ERICH1: variants seen among roughly 807,000 people sequenced by gnomAD.
ERICH1 encodes the protein glutamate rich 1, also known as glutamate-rich protein 1.
A neutral mutation model predicts 39.6 loss-of-function variants in ERICH1; 56 were observed. That is an observed-to-expected ratio of 1.41 (90% CI 1.14 to 1.77). The LOEUF (loss-of-function observed/expected upper bound fraction) is 1.77. Ranked by LOEUF, ERICH1 falls within the 40% of genes most tolerant of loss-of-function variation. ERICH1 has a pLI of 0.00. For synonymous variants in ERICH1, 313 were observed against 223.6 expected, an observed-to-expected ratio of 1.40 and a Z score of -3.57; for missense variants, 826 against 575.4, an observed-to-expected ratio of 1.44 and a Z score of -4.45.
chr8:661,078 TA>T (rs1192947113), downstream of ERICH1, among the ~76,000 whole-genome samples: 2 of 152,142 alleles, frequency 1.3e-5, no homozygotes, highest in Non-Finnish European at 2.9e-5. Context: ...TCCTGTTGAA[TA>T]AGTTTTGAGG....
intron 3 of ERICH1, chr8:626,249 G>T (rs1797589108): frequency 1.3e-5 from 2 of 152,150 alleles, no homozygotes; most frequent in Admixed American, 1.3e-4. Flanking sequence ...GAGTCTACTT[G>T]GAAATTGTGA....
chr8:713,041 G>A (rs1200061211), intron 2 of ERICH1, among the ~76,000 whole-genome samples: 1 of 152,228 alleles, frequency 6.6e-6, no homozygotes, highest in African/African-American at 2.4e-5. Flanking sequence ...CATAGTCTCA[G>A]CAGGGCTGGC....
chr8:646,804 G>C lies in ERICH1; in HGVS notation c.976+21794C>G, dbSNP rs1187075625. On this transcript the variant is annotated intron_variant, in intron 3 of 3. Coordinates refer to the ERICH1 transcript ENST00000522706. ...CTGTGAACAAGAATACAGGCGATAG[G>C]TGACCTCTGCAAATTCCCTGCTGGT... 4.3e-5 allele frequency among the ~76,000 whole-genome samples: 3 copies of C among 69,058 alleles called. 1 individual carries two copies. Among genetic ancestry groups the C allele is most frequent in the Non-Finnish European group, 9.1e-5 (2 of 21,966 alleles). The allele number at this position is 69,058 out of a possible 152,430, so 45.3% of individuals were successfully genotyped here.
chr8:627,443 A>G (rs1004841465), intron 3 of ERICH1, among the ~76,000 whole-genome samples: 1 of 152,190 alleles, frequency 6.6e-6, no homozygotes, highest in African/African-American at 2.4e-5. Context: ...GGGGTCAGGC[A>G]TTTGCGCTAT....
chr8:729,515 G>C (rs758743279), intron 1 of ERICH1, among the ~76,000 whole-genome samples: 5 of 152,210 alleles, frequency 3.3e-5, no homozygotes, highest in African/African-American at 9.7e-5. Flanking sequence ...TTTTATTCCA[G>C]CTAAATCCTC....
intron 3 of ERICH1, among the ~76,000 whole-genome samples, chr8:634,168 C>CAAAAAAA (rs56687918): frequency 3.3e-5 from 3 of 91,994 alleles, no homozygotes; most frequent in African/African-American, 8.0e-5. Context: ...TCCTAAAACT[C>CAAAAAAA]AAAAAAAAAA....
chr8:622,483 C>T (rs1584936659), intron 3 of ERICH1, among the ~76,000 whole-genome samples: 1 of 152,162 alleles, frequency 6.6e-6, no homozygotes, highest in Non-Finnish European at 1.5e-5. Context: ...GAGAACGAAG[C>T]TTTTCTAGAT....
rs1189358354 is a variant in ERICH1, at chr8:700,121, TCACAGGCGCACAGACCCG to T, written c.170-7527_170-7510del. The stretch of plus-strand genomic sequence containing the variant: ...CAGACCCGCACACGCGCACACACCC[TCACAGGCGCACAGACCCG>T]CACAGGCGCACAGACCCGCACACGC... On this transcript the variant is annotated intron_variant, in intron 2 of 5. Coordinates refer to ENST00000262109, the MANE Select transcript of ERICH1 (RefSeq NM_207332.3). 5.2e-3 allele frequency among the ~76,000 whole-genome samples: 199 copies of T among 37,936 alleles called. 2 individuals are homozygous for T. The highest frequency in any genetic ancestry group is 0.019 in the African/African-American group (159 of 8,316). 24.9% of individuals were successfully genotyped at this position (37,936 alleles called of 152,430 possible).
chr8:641,133 A>C (rs1798928636), intron 3 of ERICH1: 1 of 152,208 alleles, frequency 6.6e-6, no homozygotes, highest in South Asian at 2.1e-4. Flanking sequence ...GTGGAGGCAG[A>C]GGACTTGGCG....
chr8:640,603 A>G lies in ERICH1; in HGVS notation c.977-25319T>C, dbSNP rs540102471. 3.3e-5 allele frequency: 5 copies of G among 152,322 alleles called. No individual in the cohort carries two copies. In the South Asian group the frequency reaches 1.0e-3, roughly 32 times the overall value. The allele number at this position is 152,322 out of a possible 1,614,324, so 9.4% of individuals were successfully genotyped here. A position where few individuals can be genotyped will look rare whatever the true frequency, so the allele number is the denominator to read the frequency against. ...CTAACCTCAAGCTGCAGATGTAGAGAATCACCTGGAATTATCACAGGGTGT... is the reference window on the plus strand; with the variant it reads ...CTAACCTCAAGCTGCAGATGTAGAGGATCACCTGGAATTATCACAGGGTGT... On this transcript the variant is annotated intron_variant, in intron 3 of 3. Transcript: ENST00000522706.
At chr8:727,225 G>A (rs1014744296) in intron 1 of ERICH1, among the ~76,000 whole-genome samples, 7 of 151,890 alleles carry the variant, frequency 4.6e-5, no homozygotes, top group Non-Finnish European at 8.8e-5. Flanking sequence ...TAGGAACAGC[G>A]GCACACATAC....
At chr8:700,010 C>T (rs1194823777) in intron 2 of ERICH1, among the ~76,000 whole-genome samples, 28 of 135,018 alleles carry the variant, frequency 2.1e-4, no homozygotes, top group Non-Finnish European at 2.9e-4. Flanking sequence ...GGCGCACAGA[C>T]CCGCACACGC....
chr8:677,594 T>G (rs2131912613), intron 3 of ERICH1, among the ~76,000 whole-genome samples: 1 of 152,210 alleles, frequency 6.6e-6, no homozygotes, highest in East Asian at 1.9e-4. Context: ...TCCAGACGTC[T>G]TTGAACAGCA....
chr8:662,459 A>T (rs952445805), downstream of ERICH1, among the ~76,000 whole-genome samples: 9 of 129,202 alleles, frequency 7.0e-5, no homozygotes, highest in African/African-American at 3.3e-4. Flanking sequence ...GACCAGCCTG[A>T]CCAACATGGA....
chr8:643,286 G>A (rs776044778), intron 3 of ERICH1, among the ~76,000 whole-genome samples: 5 of 152,064 alleles, frequency 3.3e-5, no homozygotes, highest in Non-Finnish European at 7.4e-5. Context: ...CTGGCCAGGC[G>A]CAGGCTGTGC....
intron 3 of ERICH1, among the ~76,000 whole-genome samples, chr8:627,914 G>A (rs1371341924): frequency 6.6e-6 from 1 of 152,166 alleles, no homozygotes; most frequent in Non-Finnish European, 1.5e-5. Flanking sequence ...CCCTCGGGAA[G>A]GGGAGGCCCA....
At position 638,536 on chromosome 8, in the gene ERICH1, C is replaced by T. The variant is rs377579814; in HGVS notation, c.977-23252G>A. ...CTGAGTGTGGGTCAGAACAAGGCCA[C>T]GGAGGTGGCGTCCACTGAGCTGTGA... On this transcript the variant is annotated intron_variant, in intron 3 of 3. Transcript: ENST00000522706. Among the ~76,000 whole-genome samples the T allele has an allele frequency of 6.6e-5, 10 of 152,266 alleles. No individual in the cohort carries two copies. The East Asian group carries it at 9.7e-4, about 15-fold the overall frequency.
intron 3 of ERICH1, among the ~76,000 whole-genome samples, chr8:689,439 T>C (rs1309610484): frequency 6.6e-6 from 1 of 152,196 alleles, no homozygotes; most frequent in Non-Finnish European, 1.5e-5. Context: ...TGATGTAAGG[T>C]AAGCATTTCC....
rs1225610410 is a variant in ERICH1, at chr8:700,301, G to A, written c.170-7689C>T. Among the ~76,000 whole-genome samples, 2 of 71,708 alleles carry A rather than the reference G, an allele frequency of 2.8e-5. 1 individual carries two copies. Among genetic ancestry groups the A allele is most frequent in the African/African-American group, 8.5e-5 (2 of 23,458 alleles). 47.0% of individuals were successfully genotyped at this position (71,708 alleles called of 152,430 possible). A position where few individuals can be genotyped will look rare whatever the true frequency, so the allele number is the denominator to read the frequency against. On this transcript the variant is annotated intron_variant, in intron 2 of 5. Transcript: ENST00000262109. ...CACAGACCCGCACAGGCCCGGACAC[G>A]CGCACAGACCCGCACACGCGCACAG...
Sources: allele counts gnomAD v4.1 joint callset (sites outside exome capture counted in the v4.1 genomes callset), GRCh38; gene constraint gnomAD v4.1.1; transcripts MANE v1.5; gene names NCBI Gene and HGNC (gene_info 2026-07-23, HGNC 2026-07-21).